TAOK1: variants seen among roughly 807,000 people sequenced by gnomAD.
TAOK1 encodes serine/threonine-protein kinase TAO1.
TAOK1 carries 21 observed loss-of-function variants against 138.3 expected under a neutral mutation model. The observed-to-expected ratio is 0.15, with a 90% CI of 0.11 to 0.22. TAOK1 has a LOEUF of 0.22. Among genes scored for constraint, TAOK1 ranks in the 10% least tolerant of loss-of-function variants. The probability of loss-of-function intolerance (pLI) is 1.00; values close to 1 mark genes in which losing one functional copy is unlikely to be tolerated. For synonymous variants in TAOK1, 361 were observed against 398.4 expected (o/e 0.91, Z 1.12); for missense variants, 651 against 1,227.7 (o/e 0.53, Z 7.02).
At chr17:29,438,241 C>G (rs963869495) in intron 1 of TAOK1, among the ~76,000 whole-genome samples, 1 of 151,816 alleles carries the variant, frequency 6.6e-6, no homozygotes, top group African/African-American at 2.4e-5. Context: ...TTTGAATATT[C>G]TATTGAAAAT....
At chr17:29,431,353 G>A (rs754813317) in intron 1 of TAOK1, among the ~76,000 whole-genome samples, 37 of 151,878 alleles carry the variant, frequency 2.4e-4, no homozygotes, top group Non-Finnish European at 5.4e-4. Context: ...AAGGTGGGAG[G>A]ATCACTTGAG....
intron 1 of TAOK1, among the ~76,000 whole-genome samples, chr17:29,436,015 A>T (rs527786330): frequency 1.3e-5 from 2 of 152,334 alleles, no homozygotes; most frequent in African/African-American, 4.8e-5. Context: ...CTGTAATCCC[A>T]GCTACTTGAA....
At chr17:29,417,503 C>A (rs11658090) in intron 1 of TAOK1, among the ~76,000 whole-genome samples, 21,215 of 152,124 alleles carry the variant, frequency 0.14, 1,590 homozygotes, top group South Asian at 0.24. Context: ...ACACTTCAGT[C>A]CAGCTATAGT....
At chr17:29,431,811 T>TTC (rs2153022690) in intron 1 of TAOK1, among the ~76,000 whole-genome samples, 1 of 147,258 alleles carries the variant, frequency 6.8e-6, no homozygotes, top group Admixed American at 6.8e-5. Context: ...TAATTTTTTT[T>TTC]TTTTTTTTTT....
chr17:29,467,514 T>C (rs906721632), intron 3 of TAOK1, among the ~76,000 whole-genome samples: 27 of 152,142 alleles, frequency 1.8e-4, no homozygotes, highest in Non-Finnish European at 3.4e-4. Flanking sequence ...CCTCGTGATC[T>C]GCCCGCCTTG....
chr17:29,428,312 T>C (rs1905713778), intron 1 of TAOK1, among the ~76,000 whole-genome samples: 1 of 152,128 alleles, frequency 6.6e-6, no homozygotes, highest in Non-Finnish European at 1.5e-5. Flanking sequence ...GAGATTGGAA[T>C]GCTTGAGAGG....
chr17:29,497,384 T>C (rs2031435008), intron 11 of TAOK1, among the ~76,000 whole-genome samples: 1 of 152,202 alleles, frequency 6.6e-6, no homozygotes, highest in African/African-American at 2.4e-5. Context: ...TGAAATACTT[T>C]AATAAAGTGA....
At chr17:29,488,576 A>AAT (rs2031226559) in intron 8 of TAOK1, among the ~76,000 whole-genome samples, 38 of 145,474 alleles carry the variant, frequency 2.6e-4, no homozygotes, top group African/African-American at 5.5e-4. Context: ...ACATCTCAAA[A>AAT]AATAATAATA....
intron 13 of TAOK1, among the ~76,000 whole-genome samples, chr17:29,504,346 AGAAAGGAAGGAAGAAAG>A (rs1159452060): frequency 2.0e-5 from 3 of 150,994 alleles, no homozygotes; most frequent in South Asian, 2.1e-4. Context: ...GAGAGAGAAA[AGAAAGGAAGGAAGAAAG>A]GAAAGGAAGG....
chr17:29,528,575 T>C (rs4795514), intron 17 of TAOK1, among the ~76,000 whole-genome samples: 26,277 of 151,842 alleles, frequency 0.17, 2,330 homozygotes, highest in Admixed American at 0.22. Context: ...CACAGTGGCT[T>C]ATGCCTGTAA....
At chr17:29,504,395 C>A (rs558029500) in intron 13 of TAOK1, among the ~76,000 whole-genome samples, 1 of 151,116 alleles carries the variant, frequency 6.6e-6, no homozygotes, top group Non-Finnish European at 1.5e-5. Flanking sequence ...TGAGGCCAGG[C>A]GTGGTGGCTC....
rs2150783421 is a variant in TAOK1, at chr17:29,550,261, C to T, written c.*7239C>T. ...TTTTTAGGGAACTCTTTTGCAAAAGCAATGGTCGGATGTAAATAACATTTA... is the reference window on the plus strand; with the variant it reads ...TTTTTAGGGAACTCTTTTGCAAAAGTAATGGTCGGATGTAAATAACATTTA... On this transcript the variant is annotated 3_prime_UTR_variant, in exon 20 of 20. Coordinates refer to ENST00000261716, the MANE Select transcript of TAOK1 (RefSeq NM_020791.4). 1 of 152,258 alleles carries T rather than the reference C, an allele frequency of 6.6e-6. No homozygotes were observed. Among genetic ancestry groups the T allele is most frequent in the East Asian group, 1.9e-4 (1 of 5,184 alleles). The allele number at this position is 152,258 out of a possible 1,614,324, so 9.4% of individuals were successfully genotyped here. A position where few individuals can be genotyped will look rare whatever the true frequency, so the allele number is the denominator to read the frequency against.
intron 1 of TAOK1, among the ~76,000 whole-genome samples, chr17:29,406,200 C>T (rs905161420): frequency 1.3e-5 from 2 of 151,862 alleles, no homozygotes; most frequent in Admixed American, 1.3e-4. Flanking sequence ...GTAGCGTCAC[C>T]CCTGGTTGTG....
intron 17 of TAOK1, 40 bp from the exon 18 acceptor site, chr17:29,530,367 T>C (rs2032080984): frequency 5.7e-6 from 9 of 1,577,368 alleles, no homozygotes; most frequent in African/African-American, 1.4e-5. Flanking sequence ...CAAATGCCTT[T>C]CGTTACAACT....
chr17:29,420,703 A>G (rs771617646), intron 1 of TAOK1, among the ~76,000 whole-genome samples: 5 of 147,720 alleles, frequency 3.4e-5, no homozygotes, highest in Non-Finnish European at 7.4e-5. Flanking sequence ...CTGCTGCTTC[A>G]GCCTCCCGAG....
At chr17:29,536,215 C>T (rs1039349981) in intron 19 of TAOK1, among the ~76,000 whole-genome samples, 4 of 152,102 alleles carry the variant, frequency 2.6e-5, no homozygotes, top group Admixed American at 2.6e-4. Flanking sequence ...AGGAGAATCC[C>T]TTGAATCTGG....
At chr17:29,452,956 G>T (rs142025568) in intron 2 of TAOK1, among the ~76,000 whole-genome samples, 1 of 152,216 alleles carries the variant, frequency 6.6e-6, no homozygotes, top group African/African-American at 2.4e-5. Context: ...ATGTGTATCT[G>T]GTTGAGTCCC....
chr17:29,531,817 G>A (rs1234089256), intron 18 of TAOK1, among the ~76,000 whole-genome samples: 1 of 150,866 alleles, frequency 6.6e-6, no homozygotes, highest in Non-Finnish European at 1.5e-5. Context: ...CAAAACTAAG[G>A]CTATTATGTG....
intron 18 of TAOK1, 72 bp downstream of exon 18, chr17:29,530,691 C>A (rs949854785): frequency 1.6e-6 from 2 of 1,239,622 alleles, no homozygotes; most frequent in Non-Finnish European, 2.4e-6. Context: ...GAAATCACAG[C>A]AATTAAAGTA....
Sources: allele counts gnomAD v4.1 joint callset (sites outside exome capture counted in the v4.1 genomes callset), GRCh38; gene constraint gnomAD v4.1.1; transcripts MANE v1.5; gene names NCBI Gene and HGNC (gene_info 2026-07-23, HGNC 2026-07-21).